Variants in SEMA4G observed in about 807,000 individuals in gnomAD.
SEMA4G encodes semaphorin 4G.
A neutral mutation model predicts 81.2 loss-of-function variants in SEMA4G; 59 were observed. The ratio of observed to expected loss-of-function variants is 0.73; its 90% CI spans 0.59 to 0.90. The LOEUF (loss-of-function observed/expected upper bound fraction) is 0.90, where lower values mean the gene tolerates loss of function less well. SEMA4G is among the 40% of genes least tolerant of loss of function. The probability of loss-of-function intolerance (pLI) is 0.00; values close to 1 mark genes in which losing one functional copy is unlikely to be tolerated. For synonymous variants in SEMA4G, 404 were observed against 433.9 expected, an observed-to-expected ratio of 0.93 and a Z score of 0.86; for missense variants, 952 against 1,102.3, an observed-to-expected ratio of 0.86 and a Z score of 1.93.
At chr10:100,977,966 C>G (rs963607152) in intron 4 of SEMA4G, 4 of 575,706 alleles carry the variant, frequency 6.9e-6, no homozygotes, top group Non-Finnish European at 1.2e-5. Flanking sequence ...TCACCTCCAC[C>G]TGGCAAACTT....
intron 6 of SEMA4G, 55 bp from the exon 8 acceptor site, chr10:100,978,794 A>G (rs67813203): frequency 0.23 from 373,877 of 1,593,202 alleles, 49,400 homozygotes; most frequent in East Asian, 0.55. Context: ...CCTCAGAGTG[A>G]GGGAAAGGAA....
chr10:100,971,762 A>AGGGAGGGTCCAAGATGTGTC (rs1247385770), upstream of SEMA4G, among the ~76,000 whole-genome samples: 2 of 152,122 alleles, frequency 1.3e-5, no homozygotes, highest in Non-Finnish European at 2.9e-5. Context: ...GGTTGGCTTG[A>AGGGAGGGTCCAAGATGTGTC]GGGAGGGTCC....
Position 100,979,281 on chromosome 10 carries a change from G to C in SEMA4G, c.983+10G>C. The C allele has an allele frequency of 6.2e-7, 1 of 1,614,196 alleles. No individual in the cohort carries two copies. Among genetic ancestry groups the C allele is most frequent in the Non-Finnish European group, 8.5e-7 (1 of 1,180,046 alleles). ...CGCTGAGCACACAGTGGTCAGTGCA[G>C]GGACAATCGGGAGGCAAGAAACTGC... is the stretch of plus-strand genomic sequence containing the variant. On this transcript the variant is annotated intron_variant, in intron 8 of 13. Coordinates refer to ENST00000370250, the Ensembl canonical transcript of SEMA4G.
At chr10:100,980,791 C>T (rs1379309366) in intron 11 of SEMA4G, 31 bp from the exon 13 acceptor site, 2 of 1,556,096 alleles carry the variant, frequency 1.3e-6, no homozygotes, top group Non-Finnish European at 1.7e-6. Flanking sequence ...AGTGGGGACG[C>T]TGCCGACCAA....
chr10:100,984,007 T>C (rs780702310), exon 14 of SEMA4G: 2 of 1,613,114 alleles, frequency 1.2e-6, no homozygotes, highest in Non-Finnish European at 1.7e-6. Context: ...AGCTATGTGC[T>C]TCTGAGGCAG....
upstream of SEMA4G, among the ~76,000 whole-genome samples, chr10:100,970,118 G>C (rs1160222030): frequency 3.9e-5 from 6 of 152,114 alleles, no homozygotes; most frequent in Non-Finnish European, 1.5e-5. Context: ...CCTGTTTGAA[G>C]GGTCTCTCCT....
chr10:100,984,475 T>C, exon 14 of SEMA4G: 1 of 1,530,310 alleles, frequency 6.5e-7, no homozygotes, highest in Non-Finnish European at 8.7e-7. Flanking sequence ...CCCAAACCCT[T>C]TCTCTTTCTC....
rs150071842 is a variant in SEMA4G, at chr10:100,980,269, C to T, written c.1276C>T (p.Arg426Cys). 1.0e-3 allele frequency: 1,643 copies of T among 1,614,248 alleles called. 3 individuals carry two copies. The highest frequency in any genetic ancestry group is 7.1e-3 in the Middle Eastern group (43 of 6,062). The change falls in exon 10 of 14, where the codon CGC becomes TGC. Residue 426 changes from arginine (R) to cysteine (C), a missense_variant. Physicochemically the swap from Arg to Cys is radical, Grantham distance 180. Coordinates refer to ENST00000370250, the Ensembl canonical transcript of SEMA4G. The stretch of plus-strand genomic sequence containing the variant: ...GCCCCTGCTGCTCAAGCGCAACATA[C>T]GCTACACACACCTTACAGGGACACC...
upstream of SEMA4G, among the ~76,000 whole-genome samples, chr10:100,971,811 T>C (rs947455984): frequency 1.4e-4 from 22 of 152,268 alleles, no homozygotes; most frequent in African/African-American, 4.8e-4. Flanking sequence ...AGGGATCCCA[T>C]CATTTACCTT....
chr10:100,985,104 ACACTG>A, downstream of SEMA4G: 2 of 501,634 alleles, frequency 4.0e-6, no homozygotes, highest in Non-Finnish European at 6.9e-6. Context: ...TGGATGACCA[ACACTG>A]CACTCAATGA....
chr10:100,983,967 C>T (rs1851284021), exon 14 of SEMA4G: 1 of 1,610,406 alleles, frequency 6.2e-7, no homozygotes, highest in Non-Finnish European at 8.5e-7. Context: ...GGTGGCACTG[C>T]CCAGCCGGCT....
exon 14 of SEMA4G, chr10:100,984,355 G>A: frequency 6.9e-7 from 1 of 1,444,508 alleles, no homozygotes; most frequent in Non-Finnish European, 9.0e-7. Flanking sequence ...GTGCTCCTCA[G>A]AGGTAGGTGC....
exon 7 of SEMA4G, chr10:100,978,980 A>T (rs1850926055): frequency 6.2e-7 from 1 of 1,614,078 alleles, no homozygotes; most frequent in Non-Finnish European, 8.5e-7. Context: ...TCAGAGCCGC[A>T]GCAGTCACCG....
chr10:100,974,941 A>C (rs775482442), intron 3 of SEMA4G: 6 of 484,770 alleles, frequency 1.2e-5, no homozygotes, highest in African/African-American at 6.1e-5. Context: ...ATGAGACTCT[A>C]TCTCTAATAA....
chr10:100,972,879 T>TG (rs1345238361), exon 1 of SEMA4G: 2 of 1,584,670 alleles, frequency 1.3e-6, no homozygotes, highest in East Asian at 2.2e-5. Context: ...TGGCTCCCTT[T>TG]GGGGGTCTTG....
chr10:100,980,452 C>T, intron 10 of SEMA4G, 108 bp downstream of exon 11: 1 of 1,353,892 alleles, frequency 7.4e-7, no homozygotes, highest in African/African-American at 1.4e-5. Context: ...CCTGAGGGTC[C>T]ACTGCTCCTG....
upstream of SEMA4G, among the ~76,000 whole-genome samples, chr10:100,970,562 C>T (rs977623613): frequency 1.3e-5 from 2 of 151,594 alleles, no homozygotes; most frequent in Non-Finnish European, 2.9e-5. Flanking sequence ...CACACACACA[C>T]ACAACCCCCT....
At chr10:100,982,323 G>A (rs959651735) in intron 13 of SEMA4G, among the ~76,000 whole-genome samples, 1 of 152,168 alleles carries the variant, frequency 6.6e-6, no homozygotes, top group Non-Finnish European at 1.5e-5. Context: ...AAAGCAATAG[G>A]AAACCTCTGA....
At chr10:100,972,896 T>C in exon 1 of SEMA4G, 1 of 1,594,642 alleles carries the variant, frequency 6.3e-7, no homozygotes, top group Non-Finnish European at 8.5e-7. Context: ...CTTGTTAGTC[T>C]GGGCCTCCCC....
Sources: allele counts gnomAD v4.1 joint callset (sites outside exome capture counted in the v4.1 genomes callset), GRCh38; gene constraint gnomAD v4.1.1; transcripts MANE v1.5; gene names NCBI Gene and HGNC (gene_info 2026-07-23, HGNC 2026-07-21).